PITPNM1: variants seen among roughly 807,000 people sequenced by gnomAD.
The protein encoded by PITPNM1 is membrane-associated phosphatidylinositol transfer protein 1.
In PITPNM1, 74 loss-of-function variants were observed where a neutral mutation model predicts 133.3. The observed-to-expected ratio is 0.56, with a 90% confidence interval of 0.46 to 0.67. The LOEUF is 0.67. Ranked by LOEUF, PITPNM1 falls within the 30% of genes least tolerant of loss-of-function variation. The pLI is 0.00. For synonymous variants in PITPNM1, 738 were observed against 741.4 expected, an observed-to-expected ratio of 1.00 and a Z score of 0.08; for missense variants, 1,398 against 1,739.5, an observed-to-expected ratio of 0.80 and a Z score of 3.49.
chr11:67,497,732 CTACT>C, intron 12 of PITPNM1, 53 bp from the exon 13 acceptor site: 11 of 1,594,444 alleles, frequency 6.9e-6, no homozygotes, highest in Non-Finnish European at 5.1e-6. Context: ...CATTCGAATT[CTACT>C]TACTTAGAAG....
chr11:67,502,270 C>T lies in PITPNM1; in HGVS notation c.415+22G>A, dbSNP rs1401037756. The T allele has an allele frequency of 3.1e-6, 5 of 1,607,232 alleles. No individual in the cohort carries two copies. The Admixed American group carries it at 5.0e-5, about 16-fold the overall frequency. On this transcript the variant is annotated intron_variant, in intron 4 of 23. Transcript: ENST00000356404. This position sits in a 1 kb window ranked among gnomAD's most constrained non-coding sequence, Gnocchi z 5.9. ...GGAGCCTGAGAGGGGCGCCAGGGTC[C>T]CCCCATAGCTCCAGGCCTCACCCAG...
rs1226906190 is a variant in PITPNM1 at position 67,500,270 on chromosome 11, C to T, written c.792G>A (p.Glu264=). Residue 264 remains glutamate, a synonymous_variant, in exon 6 of 24, where the codon GAG becomes GAA. Coordinates refer to ENST00000356404, the MANE Select transcript of PITPNM1 (RefSeq NM_004910.3). ...TCCCGGGGGGCTGGGCCTCGGACCC[C>T]TCACTGCCTGTGTTGCACTTGGCCA... ...QRMAKCNTGS[E]GSEAQPPGKP... 1.2e-6 allele frequency: 2 copies of T among 1,609,090 alleles called. No individual in the cohort carries two copies. Among genetic ancestry groups the T allele is most frequent in the Admixed American group, 1.7e-5 (1 of 60,030 alleles).
In PITPNM1 at chr11:67,495,068, C is replaced by A. The variant is rs1866072691; in HGVS notation, c.2631+9G>T. ...ATTCTCATCTCCCATTCCATATTCC[C>A]AGGCCCACCTGGCGCAGGATGAACG... On this transcript the variant is annotated intron_variant, in intron 17 of 23. Transcript: ENST00000356404. The A allele has an allele frequency of 1.9e-6, 3 of 1,612,614 alleles. No individual in the cohort carries two copies. The highest frequency in any genetic ancestry group is 1.7e-5 in the Admixed American group (1 of 59,992).
Position 67,502,682 on chromosome 11 carries a change from C to T in PITPNM1, c.115G>A (p.Gly39Ser), listed in dbSNP as rs763245484. The change falls in exon 3 of 24, where the codon GGC (glycine) becomes AGC (serine). Residue 39 changes from glycine (G) to serine (S), a missense_variant. By Grantham distance (56) the Gly-to-Ser change is moderately conservative. Around this residue, in one of 5 missense-constraint regions of PITPNM1, gnomAD observed 274 missense variants for 360.7 expected, o/e 0.76. Coordinates refer to ENST00000356404, the MANE Select transcript of PITPNM1 (RefSeq NM_004910.3). The surrounding 1 kb of genome is among the most constrained non-coding windows in gnomAD (Gnocchi z 5.9). ...SREESSGEGS[G>S]VEILANRPYT... is the part of the protein sequence containing the mutation. ...GGCCGGTTGGCCAGGATCTCCACGC[C>T]GCTGCCCTCACCACTAGACTCCTCC... The T allele has an allele frequency of 1.9e-5, 31 of 1,613,298 alleles. No homozygotes were observed. The highest frequency in any genetic ancestry group is 8.0e-5 in the African/African-American group (6 of 74,902).
At chr11:67,493,141 ATTGT>A in intron 22 of PITPNM1, 79 bp from the exon 23 acceptor site, 1 of 1,559,176 alleles carries the variant, frequency 6.4e-7, no homozygotes, top group Non-Finnish European at 8.8e-7. Flanking sequence ...GCTTCCCCAG[ATTGT>A]TCTGGGGGTG....
chr11:67,495,313 ACCCAGCCT>A, intron 16 of PITPNM1, 88 bp from the exon 17 acceptor site: 1 of 1,476,888 alleles, frequency 6.8e-7, no homozygotes, highest in South Asian at 1.4e-5. Context: ...CCCCCTTTTC[ACCCAGCCT>A]GCTCTTTGCC....
chr11:67,492,072 T>TTTGCCCCGTGCC lies in PITPNM1; in HGVS notation c.3684_3695dup (p.Gly1231_Arg1234dup). ...CCAGCTTCAGGCTGATGCTCCGTGC[T>TTTGCCCCGTGCC]TTGCCCCGTGCCAGGGTGGTGGGTG... On this transcript the variant is annotated inframe_insertion, in exon 24 of 24. Transcript: ENST00000356404. The TTTGCCCCGTGCC allele has an allele frequency of 6.2e-7, 1 of 1,612,554 alleles. No homozygotes were observed. Among genetic ancestry groups the TTTGCCCCGTGCC allele is most frequent in the Non-Finnish European group, 8.5e-7 (1 of 1,179,888 alleles).
Position 67,496,209 on chromosome 11 carries a change from G to T in PITPNM1, c.2286C>A (p.Phe762Leu). The T allele has an allele frequency of 6.5e-7, 1 of 1,545,896 alleles. No individual in the cohort carries two copies. The highest frequency in any genetic ancestry group is 1.2e-5 in the South Asian group (1 of 82,204). Residue 762 changes from phenylalanine (F) to leucine (L), a missense_variant, in exon 15 of 24, where the codon TTC (phenylalanine) becomes TTA (leucine). Around this residue, in one of 5 missense-constraint regions of PITPNM1, gnomAD observed 574 missense variants for 698.7 expected, o/e 0.82. Transcript: ENST00000356404. ...GCAGGGATGAGCCATCTCCCAGGGG[G>T]AACTTCTGGTAGCGGGGCACGGTCA... ...APLTVPRYQKFPLGDGSSLLL... is the reference protein window; with the variant it reads ...APLTVPRYQKLPLGDGSSLLL...
Position 67,502,491 on chromosome 11 carries a change from C to A in PITPNM1, c.293+13G>T. 6.2e-7 allele frequency: 1 copy of A among 1,613,712 alleles called. No individual in the cohort carries two copies. The highest frequency in any genetic ancestry group is 8.5e-7 in the Non-Finnish European group (1 of 1,180,006). On this transcript the variant is annotated intron_variant, in intron 3 of 23. Transcript: ENST00000356404. This position sits in a 1 kb window ranked among gnomAD's most constrained non-coding sequence, Gnocchi z 5.9. ...CCTCCTGGCCTCGGACCATGCCCAG[C>A]TCACCCACTCACCGGGTTCGGGTGT...
chr11:67,492,906 C>G (rs202208174), intron 23 of PITPNM1, 28 bp downstream of exon 23: 4 of 1,606,182 alleles, frequency 2.5e-6, no homozygotes, highest in African/African-American at 1.3e-5. Context: ...TGGTGGGGTC[C>G]TGTTCCTGGC....
chr11:67,494,425 C>T (rs1866039383), intron 18 of PITPNM1, 65 bp from the exon 19 acceptor site: 5 of 765,418 alleles, frequency 6.5e-6, no homozygotes, highest in African/African-American at 2.0e-5. Flanking sequence ...GGAGGGGGAG[C>T]GGGTGAGGAT....
chr11:67,501,091 C>G (rs1206868449), intron 5 of PITPNM1, among the ~76,000 whole-genome samples: 1 of 152,232 alleles, frequency 6.6e-6, no homozygotes, highest in Non-Finnish European at 1.5e-5. Context: ...TGGGAATAAT[C>G]ATCGTCATTA....
intron 7 of PITPNM1, 23 bp downstream of exon 7, chr11:67,499,891 C>A: frequency 6.2e-7 from 1 of 1,605,206 alleles, no homozygotes; most frequent in Non-Finnish European, 8.5e-7. Context: ...ATCCCCACTC[C>A]CAAAAAGGGC....
Position 67,493,869 on chromosome 11 carries a change from C to T in PITPNM1, c.3009-32G>A, listed in dbSNP as rs922972378. ...CCCACGGGGCGGGGCGTGAGTGGCG[C>T]GGGGCGAGGCCTGGCGGAGCCCTCC... On this transcript the variant is annotated intron_variant, in intron 20 of 23. Transcript: ENST00000356404. 5.9e-6 allele frequency: 9 copies of T among 1,522,636 alleles called. No individual in the cohort carries two copies. In the East Asian group the frequency reaches 7.3e-5, roughly 12 times the overall value. The allele number at this position is 1,522,636 out of a possible 1,614,324, so 94.3% of individuals were successfully genotyped here.
chr11:67,497,769 G>T, intron 12 of PITPNM1, 90 bp from the exon 13 acceptor site: 1 of 1,549,526 alleles, frequency 6.5e-7, no homozygotes, highest in Non-Finnish European at 8.8e-7. Context: ...CTTGGGGGTT[G>T]GGCAGAGCAG....
Position 67,498,653 on chromosome 11 carries a change from G to A in PITPNM1, c.1427C>T (p.Ala476Val), listed in dbSNP as rs746737526. Residue 476 changes from alanine (A) to valine (V), a missense_variant, in exon 10 of 24, where the codon GCG becomes GTG. By Grantham distance (64) the Ala-to-Val change is moderately conservative. This residue lies in a region of PITPNM1 where 574 missense variants were observed against 698.7 expected (regional missense o/e 0.82). Transcript: ENST00000356404. The surrounding 1 kb of genome is among the most constrained non-coding windows in gnomAD (Gnocchi z 5.7). ...GGGTGGACAGGGCACCAGTCGCAGC[G>A]CCACGTGGCCCAAGGCCTCAGGGAA... ...IHFPEALGHVALRLVPCPPIC... is the reference protein window; with the variant it reads ...IHFPEALGHVVLRLVPCPPIC... 1.7e-5 allele frequency: 28 copies of A among 1,600,340 alleles called. No individual in the cohort carries two copies. Among genetic ancestry groups the A allele is most frequent in the Non-Finnish European group, 2.1e-5 (25 of 1,179,918 alleles).
In PITPNM1 at chr11:67,502,274, C is replaced by T; in HGVS notation, c.415+18G>A. On this transcript the variant is annotated intron_variant, in intron 4 of 23. Coordinates refer to ENST00000356404, the MANE Select transcript of PITPNM1 (RefSeq NM_004910.3). This position sits in a 1 kb window ranked among gnomAD's most constrained non-coding sequence, Gnocchi z 5.9. ...CCTGAGAGGGGCGCCAGGGTCCCCC[C>T]ATAGCTCCAGGCCTCACCCAGGATG... The T allele has an allele frequency of 6.2e-7, 1 of 1,610,628 alleles. No homozygotes were observed. Among genetic ancestry groups the T allele is most frequent in the Non-Finnish European group, 8.5e-7 (1 of 1,179,076 alleles).
intron 12 of PITPNM1, 29 bp downstream of exon 12, chr11:67,497,888 C>T (rs776819030): frequency 2.5e-6 from 4 of 1,600,816 alleles, no homozygotes; most frequent in South Asian, 2.2e-5. Flanking sequence ...CTTTCCGCTC[C>T]TGAGGAGGCC....
At chr11:67,499,119 C>A in intron 8 of PITPNM1, 118 bp from the exon 9 acceptor site, 1 of 945,370 alleles carries the variant, frequency 1.1e-6, no homozygotes, top group Non-Finnish European at 1.6e-6. Context: ...TACCTTCCTC[C>A]AAACTTCTCC....
Sources: gnomAD v4.1 joint callset for allele counts (sites outside exome capture counted in the v4.1 genomes callset) on GRCh38, gnomAD v4.1.1 for gene constraint, gnomAD v4.1.1 regional missense constraint, Gnocchi (gnomAD v3.1) non-coding constraint, MANE v1.5 for transcripts, NCBI Gene and HGNC (gene_info 2026-07-23, HGNC 2026-07-21) for gene names.